The following TRIO variants were observed in gnomAD, a reference collection of about 807,000 sequenced individuals.
TRIO encodes triple functional domain protein.
TRIO carries 58 observed loss-of-function variants against 351.9 expected under a neutral mutation model. The observed-to-expected ratio is 0.16, with a 90% CI of 0.13 to 0.21. The LOEUF is 0.21. TRIO is among the 10% of genes least tolerant of loss of function. The pLI, the probability that TRIO is intolerant of heterozygous loss-of-function variation, is 1.00. For synonymous variants in TRIO, 1,758 were observed against 1,595.7 expected (o/e 1.10, Z -2.42); for missense variants, 3,201 against 4,027.8 (o/e 0.79, Z 5.56).
intron 34 of TRIO, among the ~76,000 whole-genome samples, chr5:14,454,243 A>G (rs895251029): frequency 5.3e-5 from 8 of 152,088 alleles, no homozygotes; most frequent in African/African-American, 1.7e-4. Context: ...TTGATCTTTC[A>G]TGGTATTTCT....
chr5:14,394,174 GTATTATTTTGACATTTACTATATATTTA>G, intron 28 of TRIO, 44 bp downstream of exon 28: 1 of 1,275,036 alleles, frequency 7.8e-7, no homozygotes, highest in Non-Finnish European at 1.1e-6. Flanking sequence ...TATGAATTAT[GTATTATTTTGACATTTACTATATATTTA>G]TATAATTACC....
At chr5:14,353,886 T>C (rs1743373648) in intron 11 of TRIO, among the ~76,000 whole-genome samples, 1 of 152,192 alleles carries the variant, frequency 6.6e-6, no homozygotes, top group Admixed American at 6.5e-5. Context: ...TTCACCGGAG[T>C]GTAAAAATGA....
chr5:14,380,615 T>C (rs1382983209), intron 20 of TRIO, among the ~76,000 whole-genome samples: 1 of 141,642 alleles, frequency 7.1e-6, no homozygotes, highest in African/African-American at 2.5e-5. Flanking sequence ...AAACTATTTT[T>C]TGTTTTTTTT....
chr5:14,272,281 AG>A (rs1353978242), intron 2 of TRIO, among the ~76,000 whole-genome samples: 1 of 152,202 alleles, frequency 6.6e-6, no homozygotes, highest in African/African-American at 2.4e-5. Context: ...TTATTTTTAA[AG>A]TCTGGGTCTG....
At chr5:14,293,260 C>G in intron 6 of TRIO, 126 bp downstream of exon 6, 1 of 1,326,240 alleles carries the variant, frequency 7.5e-7, no homozygotes, top group Non-Finnish European at 1.0e-6. Flanking sequence ...TAGCAGCTGA[C>G]CTTCACATGG....
intron 1 of TRIO, among the ~76,000 whole-genome samples, chr5:14,266,728 A>G (rs968251799): frequency 2.6e-5 from 4 of 152,352 alleles, no homozygotes; most frequent in Admixed American, 2.6e-4. Context: ...AAAATCATCA[A>G]GCACCACCTA....
At chr5:14,425,433 C>T (rs1207692347) in intron 34 of TRIO, among the ~76,000 whole-genome samples, 1 of 152,238 alleles carries the variant, frequency 6.6e-6, no homozygotes, top group Non-Finnish European at 1.5e-5. Flanking sequence ...GCAGATGCCA[C>T]ATTGAGTTCA....
At chr5:14,202,773 C>T (rs539815885) in intron 1 of TRIO, among the ~76,000 whole-genome samples, 23 of 150,096 alleles carry the variant, frequency 1.5e-4, no homozygotes, top group South Asian at 4.3e-4. Context: ...CTCACTCTTC[C>T]GGCAGTGAGA....
chr5:14,438,067 T>G (rs1424370185), intron 34 of TRIO, among the ~76,000 whole-genome samples: 1 of 152,208 alleles, frequency 6.6e-6, no homozygotes, highest in Non-Finnish European at 1.5e-5. Flanking sequence ...TGTCAAAAAT[T>G]ATCAAAAATA....
intron 2 of TRIO, 42 bp downstream of exon 2, chr5:14,270,941 A>G (rs367898013): frequency 2.8e-6 from 4 of 1,421,762 alleles, no homozygotes; most frequent in Non-Finnish European, 3.0e-6. Flanking sequence ...AACTGCTCTG[A>G]CACAATTTCA....
intron 6 of TRIO, among the ~76,000 whole-genome samples, chr5:14,296,798 T>A (rs1238106222): frequency 6.6e-6 from 1 of 152,216 alleles, no homozygotes; most frequent in Non-Finnish European, 1.5e-5. Flanking sequence ...CACCCACTTG[T>A]GTATTTGATT....
intron 1 of TRIO, among the ~76,000 whole-genome samples, chr5:14,209,564 C>T (rs1215950536): frequency 6.6e-6 from 1 of 152,062 alleles, no homozygotes; most frequent in Non-Finnish European, 1.5e-5. Flanking sequence ...TGGGTTAAAC[C>T]AGTGGTTGAT....
chr5:14,205,597 A>G (rs987568140), intron 1 of TRIO, among the ~76,000 whole-genome samples: 9 of 152,254 alleles, frequency 5.9e-5, no homozygotes, highest in African/African-American at 1.4e-4. Context: ...CTTCATAATA[A>G]CATTAATTTT....
At chr5:14,158,298 G>A (rs1788237043) in intron 1 of TRIO, among the ~76,000 whole-genome samples, 1 of 151,944 alleles carries the variant, frequency 6.6e-6, no homozygotes, top group Non-Finnish European at 1.5e-5. Context: ...GGTGGTGCAC[G>A]CCTGTAGTCC....
At chr5:14,308,576 A>G (rs1363110760) in intron 8 of TRIO, among the ~76,000 whole-genome samples, 1 of 150,234 alleles carries the variant, frequency 6.7e-6, no homozygotes, top group African/African-American at 2.5e-5. Flanking sequence ...TCATCTGTCC[A>G]TTTATCCAAT....
chr5:14,260,291 A>C (rs1418181330), intron 1 of TRIO, among the ~76,000 whole-genome samples: 1 of 152,230 alleles, frequency 6.6e-6, no homozygotes, highest in East Asian at 1.9e-4. Flanking sequence ...ATCTCTTTAC[A>C]CATAACAGTG....
At chr5:14,209,856 A>T (rs567641567) in intron 1 of TRIO, among the ~76,000 whole-genome samples, 2 of 152,332 alleles carry the variant, frequency 1.3e-5, no homozygotes, top group East Asian at 3.9e-4. Context: ...TTCTGGTGAG[A>T]GGAATTTAGG....
chr5:14,228,795 C>T lies in TRIO; in HGVS notation c.158-42030C>T, dbSNP rs533334253. 6.2e-4 allele frequency among the ~76,000 whole-genome samples: 94 copies of T among 152,018 alleles called. 1 individual carries two copies. The highest frequency in any genetic ancestry group is 2.1e-3 in the African/African-American group (89 of 41,454). ...CTGAAGCAGGAGAATCGCTTGAACC[C>T]GAGAGGCGGAGGTTGCAGTGAGCCG... On this transcript the variant is annotated intron_variant, in intron 1 of 56. Coordinates refer to ENST00000344204, the MANE Select transcript of TRIO (RefSeq NM_007118.4).
At chr5:14,454,071 A>G (rs1201150802) in intron 34 of TRIO, among the ~76,000 whole-genome samples, 1 of 152,046 alleles carries the variant, frequency 6.6e-6, no homozygotes, top group Non-Finnish European at 1.5e-5. Context: ...CTGGGACTAC[A>G]GGCATGCGAC....
Sources: gnomAD v4.1 joint callset for allele counts (sites outside exome capture counted in the v4.1 genomes callset) on GRCh38, gnomAD v4.1.1 for gene constraint, MANE v1.5 for transcripts, NCBI Gene and HGNC (gene_info 2026-07-23, HGNC 2026-07-21) for gene names.